The following PIEZO1 variants were observed in gnomAD, a reference collection of about 807,000 sequenced individuals.
PIEZO1 encodes the protein piezo type mechanosensitive ion channel component 1 (Er blood group), also known as piezo-type mechanosensitive ion channel component 1.
PIEZO1 carries 296 observed loss-of-function variants against 297.2 expected under a neutral mutation model. That is an observed-to-expected ratio of 1.00 (90% CI 0.91 to 1.10). The LOEUF (loss-of-function observed/expected upper bound fraction) is 1.10. Among genes scored for constraint, PIEZO1 ranks in the 50% least tolerant of loss-of-function variants. The probability of loss-of-function intolerance (pLI) is 0.00; values close to 1 mark genes in which losing one functional copy is unlikely to be tolerated. For missense variants in PIEZO1, 5,018 were observed against 3,455.5 expected, an observed-to-expected ratio of 1.45 and a Z score of -11.34; for synonymous variants, 2,427 against 1,507.5, an observed-to-expected ratio of 1.61 and a Z score of -14.13.
At chr16:88,733,540 A>AT in intron 18 of PIEZO1, 48 bp downstream of exon 18, 2 of 1,528,572 alleles carry the variant, frequency 1.3e-6, no homozygotes, top group Non-Finnish European at 1.8e-6. Context: ...TGGGCAGGCC[A>AT]GAGCGACCCC....
chr16:88,749,142 A>G (rs1906243578), intron 2 of PIEZO1, among the ~76,000 whole-genome samples: 1 of 150,346 alleles, frequency 6.7e-6, no homozygotes, highest in South Asian at 2.1e-4. Context: ...CGGGAGGCTG[A>G]GGCAGGAGAA....
At chr16:88,757,946 G>T (rs184244349) in intron 1 of PIEZO1, among the ~76,000 whole-genome samples, 1 of 152,264 alleles carries the variant, frequency 6.6e-6, no homozygotes, top group African/African-American at 2.4e-5. Context: ...GCCTCAGAAG[G>T]TGCCACAGAA....
chr16:88,742,202 A>C, intron 3 of PIEZO1, 98 bp downstream of exon 3: 1 of 1,499,490 alleles, frequency 6.7e-7, no homozygotes, highest in Non-Finnish European at 8.9e-7. Context: ...GACATAAATC[A>C]GGCTGAGTCA....
In PIEZO1 at chr16:88,720,250, G is replaced by A. The variant is rs1244848078; in HGVS notation, c.5983C>T (p.Leu1995=). 6 of 1,550,388 alleles carry A rather than the reference G, an allele frequency of 3.9e-6. No individual in the cohort carries two copies. Among genetic ancestry groups the A allele is most frequent in the Non-Finnish European group, 5.2e-6 (6 of 1,146,974 alleles). The change falls in exon 42 of 51, where the codon CTA becomes TTA. Residue 1995 remains leucine, a synonymous_variant. Transcript: ENST00000301015. ...GCCTCGGGTACCTGGTCGTCTGATA[G>A]GGAGGACGTGATGTCTGTGGCCGCC... ...HSAATDITSS[L]SDDQVPEAFL... is the part of the protein sequence containing the mutation.
intron 1 of PIEZO1, among the ~76,000 whole-genome samples, chr16:88,753,995 C>T (rs1457668483): frequency 6.6e-6 from 1 of 152,250 alleles, no homozygotes; most frequent in East Asian, 1.9e-4. Flanking sequence ...CCATCAGGAG[C>T]TGCCCAGGCT....
At chr16:88,771,119 G>C (rs1406076459) in intron 1 of PIEZO1, among the ~76,000 whole-genome samples, 1 of 152,220 alleles carries the variant, frequency 6.6e-6, no homozygotes, top group Non-Finnish European at 1.5e-5. Flanking sequence ...AGGCAGAGCA[G>C]GGCAGGCGCT....
chr16:88,768,099 C>T (rs1907256041), intron 1 of PIEZO1, among the ~76,000 whole-genome samples: 1 of 150,922 alleles, frequency 6.6e-6, no homozygotes, highest in East Asian at 1.9e-4. Flanking sequence ...CCACCACAGT[C>T]GTGTCCTGGG....
At position 88,722,238 on chromosome 16, in the gene PIEZO1, G is replaced by A. The variant is rs764457834; in HGVS notation, c.4935C>T (p.Ala1645=). 21 of 1,547,278 alleles carry A rather than the reference G, an allele frequency of 1.4e-5. No homozygotes were observed. The South Asian group carries it at 1.7e-4, about 12-fold the overall frequency. The change falls in exon 36 of 51, where the codon GCC becomes GCT. Residue 1645 remains alanine (A), a synonymous_variant. Transcript: ENST00000301015. ...CCCACCTGTCCAGGAGCAGCTCGCTGGCCGTCCGCATCAGTCCCTGGTACA... is the reference window on the plus strand; with the variant it reads ...CCCACCTGTCCAGGAGCAGCTCGCTAGCCGTCCGCATCAGTCCCTGGTACA... ...ASLYQGLMRT[A]SELLLDRRLR...
chr16:88,724,683 A>C (rs780384505), intron 30 of PIEZO1, among the ~76,000 whole-genome samples: 1 of 152,214 alleles, frequency 6.6e-6, no homozygotes, highest in Non-Finnish European at 1.5e-5. Context: ...TGACAGAGCG[A>C]GACTCCATCT....
At chr16:88,732,792 CG>C in intron 19 of PIEZO1, 60 bp from the exon 20 acceptor site, 1 of 1,447,996 alleles carries the variant, frequency 6.9e-7, no homozygotes, top group Non-Finnish European at 9.2e-7. Context: ...TGGCCCTGCC[CG>C]GAGCCCACCA....
intron 2 of PIEZO1, among the ~76,000 whole-genome samples, chr16:88,748,496 C>A (rs996603160): frequency 1.2e-4 from 18 of 151,758 alleles, no homozygotes; most frequent in Non-Finnish European, 2.2e-4. Flanking sequence ...GCTCCCCCCC[C>A]CCCCCGCACA....
intron 12 of PIEZO1, among the ~76,000 whole-genome samples, chr16:88,735,478 C>G (rs1905148348): frequency 6.6e-6 from 1 of 152,284 alleles, no homozygotes; most frequent in Admixed American, 6.5e-5. Context: ...CACTTGCGCT[C>G]ACACGCAGAG....
intron 45 of PIEZO1, 49 bp from the exon 46 acceptor site, chr16:88,716,947 C>A (rs1279961124): frequency 2.6e-6 from 4 of 1,545,504 alleles, no homozygotes; most frequent in Non-Finnish European, 3.5e-6. Flanking sequence ...CGTGGAGGAG[C>A]GGCTGGGGGT....
chr16:88,721,627 G>A lies in PIEZO1; in HGVS notation c.5314C>T (p.Arg1772Cys), dbSNP rs753431693. 1.6e-5 allele frequency: 25 copies of A among 1,550,112 alleles called. No homozygotes were observed. The highest frequency in any genetic ancestry group is 3.3e-4 in the Middle Eastern group (2 of 6,010). The change falls in exon 38 of 51, where the codon CGC becomes TGC. Residue 1772 changes from arginine to cysteine, a missense_variant. Physicochemically the swap from Arg to Cys is radical, Grantham distance 180. Coordinates refer to ENST00000301015, the MANE Select transcript of PIEZO1 (RefSeq NM_001142864.4). ...TCAGTCTTCTCCAGGCCCAGGATGCGGGGCGGGAAGTAGGGCTTGTTCTCG... is the reference window on the plus strand; with the variant it reads ...TCAGTCTTCTCCAGGCCCAGGATGCAGGGCGGGAAGTAGGGCTTGTTCTCG... ...RYENKPYFPP[R>C]ILGLEKTDGY...
Position 88,725,187 on chromosome 16 carries a change from C to T in PIEZO1, c.4163-107G>A. 3.7e-6 allele frequency: 3 copies of T among 814,760 alleles called. No individual in the cohort carries two copies. The South Asian group carries it at 5.3e-5, about 14-fold the overall frequency. The allele number at this position is 814,760 out of a possible 1,614,324, so 50.5% of individuals were successfully genotyped here. ...CAGGATAGGTGGAGACAGACACGGA[C>T]ACCCACAGTGACGGGGGCCGTGTGG... On this transcript the variant is annotated intron_variant, in intron 29 of 50. Transcript: ENST00000301015.
At chr16:88,728,119 C>T (rs980793471) in intron 22 of PIEZO1, among the ~76,000 whole-genome samples, 3 of 152,274 alleles carry the variant, frequency 2.0e-5, no homozygotes, top group Admixed American at 2.0e-4. Flanking sequence ...CCTCAGTGTG[C>T]TCTGCCAAGT....
chr16:88,765,557 A>G (rs1014498484), intron 1 of PIEZO1, among the ~76,000 whole-genome samples: 5 of 152,120 alleles, frequency 3.3e-5, no homozygotes, highest in African/African-American at 4.8e-5. Flanking sequence ...CCCCAGAAGC[A>G]CTGCCCGGAC....
intron 5 of PIEZO1, chr16:88,741,256 G>A: frequency 2.0e-6 from 1 of 503,350 alleles, no homozygotes; most frequent in Non-Finnish European, 3.5e-6. Flanking sequence ...GGGGCGTGGA[G>A]GTTTCTGACT....
Position 88,731,717 on chromosome 16 carries a change from G to A in PIEZO1, c.3185C>T (p.Ala1062Val), listed in dbSNP as rs947889466. 2.5e-5 allele frequency: 39 copies of A among 1,549,476 alleles called. No homozygotes were observed. The highest frequency in any genetic ancestry group is 3.9e-5 in the Admixed American group (2 of 50,958). ...QYLLCLGMPP[A>V]LCIDYPWRWS... ...CACGTGCCCCTCACCAATGCACAGGGCCGGGGGCATCCCCAGGCACAGCAG... is the reference window on the plus strand; with the variant it reads ...CACGTGCCCCTCACCAATGCACAGGACCGGGGGCATCCCCAGGCACAGCAG... Residue 1062 changes from alanine to valine, a missense_variant, in exon 22 of 51, where the codon GCC becomes GTC. Physicochemically the swap from Ala to Val is moderately conservative, Grantham distance 64. Coordinates refer to ENST00000301015, the MANE Select transcript of PIEZO1 (RefSeq NM_001142864.4).
Sources: allele counts gnomAD v4.1 joint callset (sites outside exome capture counted in the v4.1 genomes callset), GRCh38; gene constraint gnomAD v4.1.1; transcripts MANE v1.5; gene names NCBI Gene and HGNC (gene_info 2026-07-23, HGNC 2026-07-21).